The following ARNT2 variants were observed in gnomAD, a reference collection of about 807,000 sequenced individuals.
ARNT2 encodes ARNT protein 2.
In ARNT2, 36 loss-of-function variants were observed where a neutral mutation model predicts 91.7. The ratio of observed to expected loss-of-function variants is 0.39; its 90% CI spans 0.30 to 0.52. The LOEUF (loss-of-function observed/expected upper bound fraction) is 0.52, where lower values mean the gene tolerates loss of function less well. Ranked by LOEUF, ARNT2 falls within the 20% of genes least tolerant of loss-of-function variation. ARNT2 has a pLI of 0.72. For synonymous variants in ARNT2, 365 were observed against 347.1 expected (o/e 1.05, Z -0.57); for missense variants, 775 against 939.3 (o/e 0.83, Z 2.29).
chr15:80,537,076 A>G (rs986676831), intron 8 of ARNT2, among the ~76,000 whole-genome samples: 1 of 151,812 alleles, frequency 6.6e-6, no homozygotes, highest in Non-Finnish European at 1.5e-5. Flanking sequence ...AGCCCAGAGC[A>G]CTCTTTTCGC....
chr15:80,451,686 CAACCAACCAATCAACCAACT>C (rs1296672006), intron 2 of ARNT2, among the ~76,000 whole-genome samples: 5 of 151,962 alleles, frequency 3.3e-5, no homozygotes, highest in Admixed American at 6.5e-5. Flanking sequence ...ACCATCCAAC[CAACCAACCAATCAACCAACT>C]AACCAACCAA....
intron 1 of ARNT2, among the ~76,000 whole-genome samples, chr15:80,448,936 G>A (rs1281754745): frequency 6.6e-6 from 1 of 152,232 alleles, no homozygotes; most frequent in Non-Finnish European, 1.5e-5. Context: ...AGTGAGCCAA[G>A]ATCACGCCAC....
At position 80,586,241 on chromosome 15, in the gene ARNT2, C is replaced by T. The variant is rs143595906; in HGVS notation, c.1918+4837C>T. ...TTGCTCCAAGTGTGGCATACACATA[C>T]GTAGGATCTAAGTTACATTATTTTC... On this transcript the variant is annotated intron_variant, in intron 17 of 18. Coordinates refer to ENST00000303329, the MANE Select transcript of ARNT2 (RefSeq NM_014862.4). Among the ~76,000 whole-genome samples, 108 of 152,216 alleles carry T rather than the reference C, an allele frequency of 7.1e-4. 3 individuals carry two copies. In the East Asian group the frequency reaches 0.02, roughly 28 times the overall value.
rs1435043885 is a variant in ARNT2, at chr15:80,574,984, T to C, written c.1390-3T>C. ...TGTTGTGTTTTATTTAATGTGCAAA[T>C]AGGTCCCCGTCCCCAACCTACCAGC... On this transcript the variant is annotated splice_region_variant and splice_polypyrimidine_tract_variant and intron_variant, in intron 13 of 18. Transcript: ENST00000303329. 3 of 1,613,722 alleles carry C rather than the reference T, an allele frequency of 1.9e-6. No homozygotes were observed. Among genetic ancestry groups the C allele is most frequent in the Non-Finnish European group, 1.7e-6 (2 of 1,179,684 alleles).
chr15:80,479,339 G>C (rs956305437), intron 5 of ARNT2, among the ~76,000 whole-genome samples: 1 of 152,206 alleles, frequency 6.6e-6, no homozygotes, highest in Non-Finnish European at 1.5e-5. Context: ...GTGGGTGAAA[G>C]GTTATATACA....
chr15:80,452,678 G>C (rs1896415906), intron 2 of ARNT2, among the ~76,000 whole-genome samples: 1 of 152,150 alleles, frequency 6.6e-6, no homozygotes, highest in South Asian at 2.1e-4. Flanking sequence ...AGGGAGGTGG[G>C]CTGAGTCAGG....
chr15:80,525,421 C>A (rs1342311279), intron 8 of ARNT2, among the ~76,000 whole-genome samples: 1 of 152,134 alleles, frequency 6.6e-6, no homozygotes, highest in South Asian at 2.1e-4. Flanking sequence ...CTGTTTAGAT[C>A]CCTCAAGAGC....
chr15:80,473,150 A>T, intron 4 of ARNT2, among the ~76,000 whole-genome samples: 1 of 152,184 alleles, frequency 6.6e-6, no homozygotes, highest in East Asian at 1.9e-4. Flanking sequence ...GCGTGAAGTA[A>T]CATGCCCAAA....
intron 8 of ARNT2, among the ~76,000 whole-genome samples, chr15:80,541,905 C>G (rs771548117): frequency 2.6e-5 from 4 of 152,230 alleles, no homozygotes; most frequent in Non-Finnish European, 5.9e-5. Flanking sequence ...AGTCATCCAT[C>G]AAGACCCTGG....
chr15:80,563,772 A>G (rs939293813), intron 12 of ARNT2, among the ~76,000 whole-genome samples: 4 of 152,212 alleles, frequency 2.6e-5, no homozygotes, highest in African/African-American at 9.6e-5. Context: ...GAGGATCCCA[A>G]GATCTCTGCT....
At chr15:80,455,943 A>T (rs1157471343) in intron 2 of ARNT2, among the ~76,000 whole-genome samples, 1 of 152,126 alleles carries the variant, frequency 6.6e-6, no homozygotes, top group African/African-American at 2.4e-5. Flanking sequence ...GGTGTTAAAT[A>T]ACCTTCATGT....
At chr15:80,421,786 AG>A (rs1387256919) in intron 1 of ARNT2, among the ~76,000 whole-genome samples, 1 of 152,196 alleles carries the variant, frequency 6.6e-6, no homozygotes, top group African/African-American at 2.4e-5. Context: ...GAAAATTAGA[AG>A]CTAATCTCTG....
At chr15:80,508,026 CACAA>C (rs1897297457) in intron 5 of ARNT2, 126 bp from the exon 6 acceptor site, 2 of 786,130 alleles carry the variant, frequency 2.5e-6, no homozygotes, top group Non-Finnish European at 4.2e-6. Context: ...AATTCCAAGA[CACAA>C]ACAATTTGCA....
At chr15:80,514,557 A>G in intron 8 of ARNT2, 152 bp downstream of exon 8, 1 of 692,270 alleles carries the variant, frequency 1.4e-6, no homozygotes, top group Non-Finnish European at 2.4e-6. Flanking sequence ...GTAATTGGAA[A>G]ACATCCTGCT....
At chr15:80,468,298 G>T (rs776502724) in intron 3 of ARNT2, among the ~76,000 whole-genome samples, 4 of 151,462 alleles carry the variant, frequency 2.6e-5, no homozygotes, top group Non-Finnish European at 3.0e-5. Context: ...AACCTCTCCC[G>T]CAACCTGCAC....
intron 18 of ARNT2, among the ~76,000 whole-genome samples, chr15:80,593,271 G>C (rs1893313519): frequency 6.6e-6 from 1 of 152,204 alleles, no homozygotes; most frequent in South Asian, 2.1e-4. Flanking sequence ...CTATCTGTTA[G>C]GTGCACCTTG....
chr15:80,504,569 A>T (rs1405633335), intron 5 of ARNT2, among the ~76,000 whole-genome samples: 1 of 152,064 alleles, frequency 6.6e-6, no homozygotes, highest in African/African-American at 2.4e-5. Context: ...GGAGTTCAAG[A>T]CCTGACTGGG....
intron 3 of ARNT2, among the ~76,000 whole-genome samples, chr15:80,465,962 T>C (rs940094009): frequency 7.2e-5 from 11 of 152,222 alleles, no homozygotes; most frequent in African/African-American, 2.7e-4. Flanking sequence ...CCGTGGGCTC[T>C]CTGTCCTGTC....
intron 6 of ARNT2, among the ~76,000 whole-genome samples, chr15:80,511,168 C>T (rs1298308869): frequency 1.3e-5 from 2 of 152,000 alleles, no homozygotes; most frequent in African/African-American, 2.4e-5. Context: ...AAATGTGGTA[C>T]GTATACACCA....
Sources: allele counts gnomAD v4.1 joint callset (sites outside exome capture counted in the v4.1 genomes callset), GRCh38; gene constraint gnomAD v4.1.1; transcripts MANE v1.5; gene names NCBI Gene and HGNC (gene_info 2026-07-23, HGNC 2026-07-21).